SPIDR: variants seen among roughly 807,000 people sequenced by gnomAD.
The protein encoded by SPIDR is DNA repair-scaffolding protein.
In SPIDR, 93 loss-of-function variants were observed where a neutral mutation model predicts 104.6. The observed-to-expected ratio is 0.89, with a 90% CI of 0.75 to 1.06. SPIDR has a LOEUF of 1.06. Among genes scored for constraint, SPIDR ranks in the 50% least tolerant of loss-of-function variants. The pLI, the probability that SPIDR is intolerant of heterozygous loss-of-function variation, is 0.00. For missense variants in SPIDR, 1,154 were observed against 1,111.2 expected (o/e 1.04, Z -0.55); for synonymous variants, 431 against 416.9 (o/e 1.03, Z -0.41).
intron 10 of SPIDR, among the ~76,000 whole-genome samples, chr8:47,622,966 C>T (rs888255035): frequency 2.6e-5 from 4 of 152,122 alleles, no homozygotes; most frequent in African/African-American, 4.8e-5. Flanking sequence ...CACTAAGCAG[C>T]GTGGCCCACA....
chr8:47,634,357 C>T (rs1465392003), intron 10 of SPIDR, among the ~76,000 whole-genome samples: 1 of 151,872 alleles, frequency 6.6e-6, no homozygotes, highest in Non-Finnish European at 1.5e-5. Context: ...CAGGCTGAGG[C>T]AGAGAATTGC....
At chr8:47,335,743 C>A (rs2049575297) in intron 5 of SPIDR, among the ~76,000 whole-genome samples, 1 of 152,144 alleles carries the variant, frequency 6.6e-6, no homozygotes, top group African/African-American at 2.4e-5. Context: ...GCCACCATGC[C>A]CAGGCCTCTC....
chr8:47,402,663 A>T (rs1257821661), intron 6 of SPIDR, among the ~76,000 whole-genome samples: 1 of 152,182 alleles, frequency 6.6e-6, no homozygotes. Context: ...GAAGAAGCTG[A>T]ATCCCTGAAT....
intron 5 of SPIDR, among the ~76,000 whole-genome samples, chr8:47,371,128 G>A (rs2057962218): frequency 7.8e-6 from 1 of 128,608 alleles, no homozygotes; most frequent in Non-Finnish European, 1.7e-5. Flanking sequence ...ACACAAGCAG[G>A]TTTTTTTTTT....
chr8:47,482,074 GT>G (rs1163200608), intron 8 of SPIDR, among the ~76,000 whole-genome samples: 1 of 152,212 alleles, frequency 6.6e-6, no homozygotes, highest in Non-Finnish European at 1.5e-5. Flanking sequence ...TACAGCACAT[GT>G]TGAGCGTGGT....
chr8:47,591,890 C>T (rs78611701), intron 8 of SPIDR, among the ~76,000 whole-genome samples: 3,097 of 151,268 alleles, frequency 0.02, 68 homozygotes, highest in Non-Finnish European at 0.025. Context: ...TAAATAGAAA[C>T]GGGGCGGGGG....
intron 8 of SPIDR, among the ~76,000 whole-genome samples, chr8:47,463,730 A>G (rs1387081549): frequency 6.6e-6 from 1 of 152,222 alleles, no homozygotes; most frequent in Admixed American, 6.5e-5. Context: ...AATTCATGTA[A>G]TATACCACAT....
chr8:47,267,028 A>G (rs77964222), intron 1 of SPIDR, among the ~76,000 whole-genome samples: 2,012 of 152,270 alleles, frequency 0.013, 55 homozygotes, highest in African/African-American at 0.045. Flanking sequence ...AATGTTTTCC[A>G]GGTTTATACA....
intron 7 of SPIDR, among the ~76,000 whole-genome samples, chr8:47,408,791 A>G (rs1747358298): frequency 6.6e-6 from 1 of 152,236 alleles, no homozygotes; most frequent in Non-Finnish European, 1.5e-5. Context: ...AATCAATTGC[A>G]TTTCCATATA....
chr8:47,355,631 A>G (rs1337461405), intron 5 of SPIDR, among the ~76,000 whole-genome samples: 4 of 152,224 alleles, frequency 2.6e-5, no homozygotes, highest in African/African-American at 9.6e-5. Context: ...AAGCTATATT[A>G]TAACCATTCC....
rs765817074 is a variant in SPIDR, at chr8:47,360,622, C to T, written c.526-35754C>T. ...GGTAAACTCCAGCCAGCTACGTGTG[C>T]CTTGAAAGGATGTGATTCCAGCGTT... On this transcript the variant is annotated intron_variant, in intron 5 of 19. Transcript: ENST00000297423. Among the ~76,000 whole-genome samples the T allele has an allele frequency of 2.0e-5, 3 of 152,058 alleles. No homozygotes were observed. The South Asian group carries it at 6.2e-4, about 32-fold the overall frequency.
intron 10 of SPIDR, 134 bp downstream of exon 10, chr8:47,599,330 T>G: frequency 8.0e-7 from 1 of 1,243,436 alleles, no homozygotes; most frequent in Non-Finnish European, 1.1e-6. Flanking sequence ...TGTTTTTCCT[T>G]GCATCAAAAT....
chr8:47,482,933 A>G (rs2077063813), intron 8 of SPIDR, among the ~76,000 whole-genome samples: 1 of 151,048 alleles, frequency 6.6e-6, no homozygotes, highest in South Asian at 2.1e-4. Context: ...AAGTGTTTCT[A>G]CTCCTTTCCT....
At chr8:47,302,845 A>T (rs1192724057) in intron 5 of SPIDR, among the ~76,000 whole-genome samples, 33 of 152,194 alleles carry the variant, frequency 2.2e-4, no homozygotes, top group Non-Finnish European at 7.3e-5. Flanking sequence ...GTGAGGTGTC[A>T]GTCTGCCCCT....
intron 7 of SPIDR, among the ~76,000 whole-genome samples, chr8:47,422,682 A>G (rs534029404): frequency 2.7e-4 from 41 of 152,266 alleles, no homozygotes; most frequent in Non-Finnish European, 5.0e-4. Context: ...TGCAGAAATC[A>G]TATGTCTTTT....
chr8:47,305,604 A>G (rs1042749685), intron 5 of SPIDR, among the ~76,000 whole-genome samples: 4 of 152,220 alleles, frequency 2.6e-5, no homozygotes, highest in South Asian at 2.1e-4. Context: ...TGATCTGACA[A>G]ACCTTTAAAA....
chr8:47,478,478 G>A (rs1364343174), intron 8 of SPIDR, among the ~76,000 whole-genome samples: 1 of 152,140 alleles, frequency 6.6e-6, no homozygotes, highest in African/African-American at 2.4e-5. Flanking sequence ...TCTTGGTTGA[G>A]TGCAGATGAA....
chr8:47,373,614 A>T (rs1291614479), intron 5 of SPIDR, among the ~76,000 whole-genome samples: 2 of 152,124 alleles, frequency 1.3e-5, no homozygotes, highest in African/African-American at 4.8e-5. Flanking sequence ...TGTGAAGTAT[A>T]TGCTCTAGCC....
At chr8:47,561,389 T>C (rs1204271703) in intron 8 of SPIDR, among the ~76,000 whole-genome samples, 6 of 152,228 alleles carry the variant, frequency 3.9e-5, no homozygotes, top group African/African-American at 9.6e-5. Context: ...CTCTGAACTG[T>C]GTCCCCTTAA....
Sources: allele counts gnomAD v4.1 joint callset (sites outside exome capture counted in the v4.1 genomes callset), GRCh38; gene constraint gnomAD v4.1.1; transcripts MANE v1.5; gene names NCBI Gene and HGNC (gene_info 2026-07-23, HGNC 2026-07-21).